Variants in KHDRBS2 observed in about 807,000 individuals in gnomAD.
The protein encoded by KHDRBS2 is KH domain-containing, RNA-binding, signal transduction-associated protein 2.
Under a neutral mutation model 44.3 loss-of-function variants are expected in KHDRBS2, and 26 were observed. The observed-to-expected ratio is 0.59, with a 90% CI of 0.43 to 0.81. The LOEUF (loss-of-function observed/expected upper bound fraction) is 0.81. KHDRBS2 is among the 40% of genes least tolerant of loss of function. The probability of loss-of-function intolerance (pLI) is 0.00; values close to 1 mark genes in which losing one functional copy is unlikely to be tolerated. For synonymous variants in KHDRBS2, 194 were observed against 151.1 expected (o/e 1.28, Z -2.08); for missense variants, 476 against 433.1 (o/e 1.10, Z -0.88).
At chr6:61,594,972 AAG>A in the KHDRBS2 span, among the ~76,000 whole-genome samples, 3 of 152,142 alleles carry the variant, frequency 2.0e-5, no homozygotes, top group Admixed American at 6.5e-5. Flanking sequence ...TCACCAAGAG[AAG>A]AGACTCAGTT....
At chr6:61,779,012 G>A (rs1314649546) in intron 6 of KHDRBS2, among the ~76,000 whole-genome samples, 8 of 152,054 alleles carry the variant, frequency 5.3e-5, no homozygotes, top group African/African-American at 1.9e-4. Flanking sequence ...TTGCCAAAAT[G>A]TACTCAAGTT....
At chr6:62,182,963 T>G (rs1186228323) in intron 1 of KHDRBS2, among the ~76,000 whole-genome samples, 1 of 151,790 alleles carries the variant, frequency 6.6e-6, no homozygotes. Flanking sequence ...GTTACTTTCT[T>G]AACCCATGTG....
At chr6:61,546,969 C>T in the KHDRBS2 span, among the ~76,000 whole-genome samples, 6 of 152,032 alleles carry the variant, frequency 3.9e-5, no homozygotes, top group African/African-American at 1.4e-4. Context: ...ACTCAGGGTG[C>T]AAGGTTGAGA....
chr6:62,040,918 A>C (rs1327639637), intron 3 of KHDRBS2, among the ~76,000 whole-genome samples: 1 of 152,142 alleles, frequency 6.6e-6, no homozygotes, highest in Non-Finnish European at 1.5e-5. Context: ...CTCTAAAATA[A>C]ATGTCAAATA....
downstream of KHDRBS2, among the ~76,000 whole-genome samples, chr6:61,676,744 A>G (rs1765967489): frequency 1.3e-5 from 2 of 151,710 alleles, no homozygotes; most frequent in South Asian, 4.1e-4. Flanking sequence ...ACTCCCCTTT[A>G]GTCAGAGGTC....
chr6:62,023,589 G>T (rs949351647), intron 3 of KHDRBS2, among the ~76,000 whole-genome samples: 1 of 151,364 alleles, frequency 6.6e-6, no homozygotes, highest in Non-Finnish European at 1.5e-5. Context: ...GCCTAAATGA[G>T]TAATATCCAA....
chr6:62,128,877 T>A (rs1361658821), intron 2 of KHDRBS2, among the ~76,000 whole-genome samples: 2 of 152,066 alleles, frequency 1.3e-5, no homozygotes, highest in Non-Finnish European at 2.9e-5. Context: ...AGTAGTTACA[T>A]TCTGCTTATA....
intron 1 of KHDRBS2, among the ~76,000 whole-genome samples, chr6:62,205,501 A>C (rs1373729170): frequency 2.0e-5 from 3 of 152,122 alleles, no homozygotes; most frequent in Non-Finnish European, 4.4e-5. Context: ...ATAACAATAA[A>C]GCATTCTGTC....
chr6:61,626,202 A>G, the KHDRBS2 span, among the ~76,000 whole-genome samples: 3 of 152,348 alleles, frequency 2.0e-5, no homozygotes, highest in Admixed American at 1.3e-4. Flanking sequence ...TAGCCTAAAT[A>G]GCAATATATA....
intron 6 of KHDRBS2, among the ~76,000 whole-genome samples, chr6:61,751,567 C>T (rs543444638): frequency 1.3e-5 from 2 of 152,296 alleles, no homozygotes; most frequent in Admixed American, 1.3e-4. Flanking sequence ...GAGTCCTTCA[C>T]ATTTTCACTT....
chr6:61,552,626 C>T, the KHDRBS2 span, among the ~76,000 whole-genome samples: 2 of 152,054 alleles, frequency 1.3e-5, no homozygotes, highest in East Asian at 1.9e-4. Context: ...ATAATGTTGG[C>T]TGTGCATTTG....
At chr6:61,564,075 T>G in the KHDRBS2 span, among the ~76,000 whole-genome samples, 1 of 152,102 alleles carries the variant, frequency 6.6e-6, no homozygotes, top group African/African-American at 2.4e-5. Flanking sequence ...ATCGTCAGTT[T>G]GGAGAAAACA....
intron 4 of KHDRBS2, among the ~76,000 whole-genome samples, chr6:61,924,504 TC>T (rs1234134525): frequency 6.6e-6 from 1 of 152,080 alleles, no homozygotes; most frequent in African/African-American, 2.4e-5. Flanking sequence ...CTTCTTTTTA[TC>T]ATGAATATTA....
chr6:61,624,815 G>C, the KHDRBS2 span, among the ~76,000 whole-genome samples: 1 of 152,084 alleles, frequency 6.6e-6, no homozygotes, highest in Non-Finnish European at 1.5e-5. Flanking sequence ...AGAACCAAGG[G>C]CTGGAGAAAA....
intron 2 of KHDRBS2, among the ~76,000 whole-genome samples, chr6:62,077,642 T>C (rs1796603192): frequency 6.6e-6 from 1 of 151,954 alleles, no homozygotes; most frequent in Non-Finnish European, 1.5e-5. Context: ...GTGCCACCCC[T>C]TGGAGAAAAA....
At chr6:61,643,495 C>A in the KHDRBS2 span, among the ~76,000 whole-genome samples, 1 of 152,058 alleles carries the variant, frequency 6.6e-6, no homozygotes, top group African/African-American at 2.4e-5. Flanking sequence ...CAAAGGGCAT[C>A]CAAATAGGAG....
chr6:61,653,184 A>G, the KHDRBS2 span, among the ~76,000 whole-genome samples: 1 of 152,094 alleles, frequency 6.6e-6, no homozygotes, highest in African/African-American at 2.4e-5. Context: ...AGAGGATGCA[A>G]TTTCTAGTGA....
At chr6:62,257,225 C>T (rs1467466312) in intron 1 of KHDRBS2, among the ~76,000 whole-genome samples, 2 of 152,024 alleles carry the variant, frequency 1.3e-5, no homozygotes, top group African/African-American at 2.4e-5. Context: ...ATATAGTTTG[C>T]AATAAAATGC....
chr6:61,787,488 A>G (rs1784003620), intron 6 of KHDRBS2, among the ~76,000 whole-genome samples: 1 of 151,748 alleles, frequency 6.6e-6, no homozygotes, highest in Admixed American at 6.6e-5. Flanking sequence ...CCGTGGAGTA[A>G]TTTTCTTTAG....
Sources: gnomAD v4.1 joint callset for allele counts (sites outside exome capture counted in the v4.1 genomes callset) on GRCh38, gnomAD v4.1.1 for gene constraint, MANE v1.5 for transcripts, NCBI Gene and HGNC (gene_info 2026-07-23, HGNC 2026-07-21) for gene names.